Variants in GNB4 observed in about 807,000 individuals in gnomAD.
The protein encoded by GNB4 is guanine nucleotide-binding protein subunit beta-4.
In GNB4, 28 loss-of-function variants were observed where a neutral mutation model predicts 45.2. The ratio of observed to expected loss-of-function variants is 0.62; its 90% CI spans 0.46 to 0.85. The LOEUF (loss-of-function observed/expected upper bound fraction) is 0.85, where lower values mean the gene tolerates loss of function less well. Ranked by LOEUF, GNB4 falls within the 40% of genes least tolerant of loss-of-function variation. GNB4 has a pLI of 0.00. For missense variants in GNB4, 321 were observed against 425.4 expected, an observed-to-expected ratio of 0.75 and a Z score of 2.16; for synonymous variants, 132 against 143.7, an observed-to-expected ratio of 0.92 and a Z score of 0.58.
the GNB4 span, among the ~76,000 whole-genome samples, chr3:179,493,474 A>C: frequency 6.6e-6 from 1 of 151,980 alleles, no homozygotes; most frequent in African/African-American, 2.4e-5. Flanking sequence ...GACTTGATCA[A>C]ACAGAAGAAT....
the GNB4 span, among the ~76,000 whole-genome samples, chr3:179,471,888 G>A: frequency 2.6e-5 from 4 of 152,198 alleles, no homozygotes; most frequent in African/African-American, 9.6e-5. Flanking sequence ...CAAATTGTCA[G>A]TGTGTACTAA....
At chr3:179,515,197 A>G in the GNB4 span, among the ~76,000 whole-genome samples, 1 of 152,244 alleles carries the variant, frequency 6.6e-6, no homozygotes, top group Non-Finnish European at 1.5e-5. Context: ...GGTGTTTACA[A>G]TGTGTCAGAT....
chr3:179,459,694 GA>G, the GNB4 span, among the ~76,000 whole-genome samples: 40 of 125,426 alleles, frequency 3.2e-4, no homozygotes, highest in Admixed American at 2.7e-3. Flanking sequence ...ACAAAAAAAA[GA>G]AAAAAAAAAG....
intron 2 of GNB4, among the ~76,000 whole-genome samples, chr3:179,421,780 G>A (rs1714989024): frequency 6.6e-6 from 1 of 152,186 alleles, no homozygotes; most frequent in Non-Finnish European, 1.5e-5. Flanking sequence ...TTCTAAGTAA[G>A]GGTGTTCACA....
chr3:179,467,269 T>C, the GNB4 span, among the ~76,000 whole-genome samples: 3 of 152,142 alleles, frequency 2.0e-5, no homozygotes, highest in Non-Finnish European at 4.4e-5. Flanking sequence ...CACTTCAGCC[T>C]CCCAAGTAGC....
the GNB4 span, among the ~76,000 whole-genome samples, chr3:179,472,193 T>A: frequency 6.6e-6 from 1 of 152,054 alleles, no homozygotes; most frequent in Non-Finnish European, 1.5e-5. Context: ...CAAAAACATG[T>A]ATATAGCAAT....
the GNB4 span, among the ~76,000 whole-genome samples, chr3:179,471,178 CAAAAAA>C: frequency 1.5e-5 from 2 of 132,300 alleles, no homozygotes; most frequent in Non-Finnish European, 1.6e-5. Context: ...GACTCCGTCT[CAAAAAA>C]AAAAAAAAAA....
chr3:179,511,167 C>T, the GNB4 span, among the ~76,000 whole-genome samples: 1 of 152,182 alleles, frequency 6.6e-6, no homozygotes, highest in Non-Finnish European at 1.5e-5. Context: ...CGTGGTTGAT[C>T]TCTCTGGGCC....
the GNB4 span, among the ~76,000 whole-genome samples, chr3:179,522,791 G>T: frequency 4.8e-4 from 73 of 152,106 alleles, no homozygotes; most frequent in Non-Finnish European, 8.5e-4. Flanking sequence ...GGTCAGGTGT[G>T]GTATCAGGAA....
the GNB4 span, among the ~76,000 whole-genome samples, chr3:179,477,098 GC>G: frequency 6.6e-6 from 1 of 152,090 alleles, no homozygotes; most frequent in Non-Finnish European, 1.5e-5. Flanking sequence ...TATCTGAAGT[GC>G]CTTTGGAGTC....
chr3:179,489,979 C>T, the GNB4 span, among the ~76,000 whole-genome samples: 1 of 152,106 alleles, frequency 6.6e-6, no homozygotes, highest in Non-Finnish European at 1.5e-5. Context: ...TTTGTATGGC[C>T]ATTTCTTCTT....
Position 179,400,684 on chromosome 3 carries a change from C to G in GNB4, c.*529G>C, listed in dbSNP as rs950753380. Reference sequence around the variant, plus strand: ...ATGAACTCCCCTCAGAGGTGCCCCACCTGTCAATGCTCTTAAACATGAAGC... The same window carrying G: ...ATGAACTCCCCTCAGAGGTGCCCCAGCTGTCAATGCTCTTAAACATGAAGC... On this transcript the variant is annotated 3_prime_UTR_variant, in exon 10 of 10. Coordinates refer to ENST00000232564, the MANE Select transcript of GNB4 (RefSeq NM_021629.4). 1.3e-5 allele frequency: 2 copies of G among 152,190 alleles called. No individual in the cohort carries two copies. The highest frequency in any genetic ancestry group is 1.3e-4 in the Admixed American group (2 of 15,276). 9.4% of individuals were successfully genotyped at this position (152,190 alleles called of 1,614,324 possible).
At chr3:179,425,260 G>A (rs900721899) in intron 2 of GNB4, among the ~76,000 whole-genome samples, 5 of 152,296 alleles carry the variant, frequency 3.3e-5, no homozygotes, top group African/African-American at 9.6e-5. Context: ...CTCTTAGAGA[G>A]TGCTCCCCAC....
At chr3:179,434,123 A>AT in intron 1 of GNB4, among the ~76,000 whole-genome samples, 1 of 152,346 alleles carries the variant, frequency 6.6e-6, no homozygotes, top group African/African-American at 2.4e-5. Context: ...TTCTGGATAT[A>AT]TAAGCCCTAA....
intron 1 of GNB4, among the ~76,000 whole-genome samples, chr3:179,449,614 A>T (rs541233021): frequency 6.6e-6 from 1 of 152,222 alleles, no homozygotes; most frequent in African/African-American, 2.4e-5. Flanking sequence ...CCTCACAGAC[A>T]ATTTCCTTAC....
At chr3:179,442,103 G>A (rs1296145537) in intron 1 of GNB4, among the ~76,000 whole-genome samples, 2 of 152,094 alleles carry the variant, frequency 1.3e-5, no homozygotes, top group African/African-American at 2.4e-5. Flanking sequence ...CACCAAGCCC[G>A]GCCGACTGAA....
chr3:179,480,898 C>T, the GNB4 span, among the ~76,000 whole-genome samples: 2 of 145,690 alleles, frequency 1.4e-5, no homozygotes, highest in Non-Finnish European at 3.0e-5. Context: ...GTCACCCAGG[C>T]TGGAGTGCAG....
intron 1 of GNB4, among the ~76,000 whole-genome samples, chr3:179,433,478 C>T (rs986521638): frequency 3.9e-5 from 6 of 152,076 alleles, no homozygotes; most frequent in African/African-American, 1.2e-4. Flanking sequence ...TGGTGGTCCA[C>T]GCTTCTAGTC....
chr3:179,483,603 T>C, the GNB4 span, among the ~76,000 whole-genome samples: 12 of 152,170 alleles, frequency 7.9e-5, no homozygotes, highest in Non-Finnish European at 1.5e-4. Flanking sequence ...GTAGATTTAC[T>C]TGATGAAGCA....
Sources: allele counts gnomAD v4.1 joint callset (sites outside exome capture counted in the v4.1 genomes callset), GRCh38; gene constraint gnomAD v4.1.1; transcripts MANE v1.5; gene names NCBI Gene and HGNC (gene_info 2026-07-23, HGNC 2026-07-21).